The following RBPMS variants were observed in gnomAD, a reference collection of about 807,000 sequenced individuals.
RBPMS encodes RNA binding protein, mRNA processing factor.
A neutral mutation model predicts 26.8 loss-of-function variants in RBPMS; 7 were observed. That is an observed-to-expected ratio of 0.26 (90% CI 0.15 to 0.49). RBPMS has a LOEUF of 0.49. Among genes scored for constraint, RBPMS ranks in the 20% least tolerant of loss-of-function variants. RBPMS has a pLI of 0.98. For synonymous variants in RBPMS, 96 were observed against 93.3 expected (o/e 1.03, Z -0.17); for missense variants, 186 against 250.0 (o/e 0.74, Z 1.73).
intron 1 of RBPMS, among the ~76,000 whole-genome samples, chr8:30,468,913 A>G (rs1348427181): frequency 5.8e-5 from 1 of 17,112 alleles, no homozygotes; most frequent in African/African-American, 6.5e-5. Flanking sequence ...TCAAATAAGT[A>G]ACTATACAGT....
chr8:30,448,474 C>G (rs1814139837), intron 1 of RBPMS, among the ~76,000 whole-genome samples: 2 of 152,228 alleles, frequency 1.3e-5, no homozygotes, highest in Non-Finnish European at 2.9e-5. Context: ...TCCATTCCCT[C>G]CCATCTTGAC....
At chr8:30,475,688 A>G (rs189442699) in intron 2 of RBPMS, among the ~76,000 whole-genome samples, 3 of 152,348 alleles carry the variant, frequency 2.0e-5, no homozygotes, top group East Asian at 3.9e-4. Context: ...TCAGCTTCTT[A>G]GGAAGACGGA....
At chr8:30,498,802 A>AGC (rs1376831848) in intron 4 of RBPMS, among the ~76,000 whole-genome samples, 2 of 152,180 alleles carry the variant, frequency 1.3e-5, no homozygotes, top group African/African-American at 4.8e-5. Context: ...GGATAGAATT[A>AGC]ACCAAATGGT....
intron 1 of RBPMS, among the ~76,000 whole-genome samples, chr8:30,467,569 AT>A (rs1264881981): frequency 6.6e-6 from 1 of 152,002 alleles, no homozygotes; most frequent in African/African-American, 2.4e-5. Context: ...CAAAGCAAGA[AT>A]ACCCCTTTGA....
At chr8:30,456,207 A>G (rs865897712) in intron 1 of RBPMS, among the ~76,000 whole-genome samples, 54 of 152,276 alleles carry the variant, frequency 3.5e-4, no homozygotes, top group Middle Eastern at 3.4e-3. Context: ...AGTTTTTGTC[A>G]TCTAAGATGA....
intron 1 of RBPMS, among the ~76,000 whole-genome samples, chr8:30,469,445 A>G (rs1816852268): frequency 6.6e-6 from 1 of 152,268 alleles, no homozygotes; most frequent in Admixed American, 6.5e-5. Context: ...CTAAGCCAAG[A>G]ACACTCTTGC....
At position 30,566,307 on chromosome 8, in the gene RBPMS, A is replaced by G. The variant is rs1419047160; in HGVS notation, c.*58A>G. The G allele has an allele frequency of 2.0e-6, 2 of 985,604 alleles. No individual in the cohort carries two copies. The highest frequency in any genetic ancestry group is 1.7e-5 in the African/African-American group (1 of 57,210). The allele number at this position is 985,604 out of a possible 1,614,324, so 61.1% of individuals were successfully genotyped here. A position where few individuals can be genotyped will look rare whatever the true frequency, so the allele number is the denominator to read the frequency against. On this transcript the variant is annotated 3_prime_UTR_variant, in exon 8 of 9. Coordinates refer to ENST00000397323, the MANE Select transcript of RBPMS (RefSeq NM_001008710.3). ...AATCTGTCTTGTGGGTATTAATGCA[A>G]TCTTCAGTGGTGGCTACTGTTCTCT...
At chr8:30,435,726 ACT>A (rs1812381048) in intron 1 of RBPMS, among the ~76,000 whole-genome samples, 1 of 152,148 alleles carries the variant, frequency 6.6e-6, no homozygotes, top group African/African-American at 2.4e-5. Flanking sequence ...GTTAGGGAAG[ACT>A]CTACATCAAG....
chr8:30,449,106 T>C (rs1585502718), intron 1 of RBPMS, among the ~76,000 whole-genome samples: 3 of 152,336 alleles, frequency 2.0e-5, no homozygotes, highest in East Asian at 3.9e-4. Context: ...AATTGCACAT[T>C]GTCAGGCTTT....
intron 1 of RBPMS, among the ~76,000 whole-genome samples, chr8:30,447,335 T>C (rs1222863408): frequency 5.3e-5 from 8 of 152,212 alleles, no homozygotes; most frequent in Admixed American, 2.0e-4. Context: ...GCAAGGGAAT[T>C]TAGGAAATCA....
At chr8:30,428,280 C>T (rs1811577929) in intron 1 of RBPMS, among the ~76,000 whole-genome samples, 1 of 151,858 alleles carries the variant, frequency 6.6e-6, no homozygotes, top group Admixed American at 6.6e-5. Context: ...CTCGTCCTCC[C>T]AAAGTGCTGG....
At chr8:30,548,778 C>A (rs935071296) in intron 6 of RBPMS, among the ~76,000 whole-genome samples, 2 of 152,204 alleles carry the variant, frequency 1.3e-5, no homozygotes, top group African/African-American at 4.8e-5. Flanking sequence ...CCCACCTCCC[C>A]TGTATCTGAG....
intron 4 of RBPMS, among the ~76,000 whole-genome samples, chr8:30,482,937 G>A (rs533021316): frequency 6.6e-6 from 1 of 152,166 alleles, no homozygotes; most frequent in Non-Finnish European, 1.5e-5. Flanking sequence ...TAGGCAGTTA[G>A]CTAGATTTAG....
rs181529052 is a variant in RBPMS, at chr8:30,485,334, T to C, written c.246+5957T>C. Among the ~76,000 whole-genome samples, 5 of 152,314 alleles carry C rather than the reference T, an allele frequency of 3.3e-5. No homozygotes were observed. The East Asian group carries it at 9.6e-4, about 29-fold the overall frequency. The stretch of plus-strand genomic sequence containing the variant: ...AACTCCCATGGCCCCCACCAGACAC[T>C]ATATCAATATGTTTCTTATCAGTTT... On this transcript the variant is annotated intron_variant, in intron 4 of 8. Transcript: ENST00000397323.
At chr8:30,454,748 G>C (rs1563334331) in intron 1 of RBPMS, among the ~76,000 whole-genome samples, 1 of 152,126 alleles carries the variant, frequency 6.6e-6, no homozygotes, top group Non-Finnish European at 1.5e-5. Context: ...TCTATTATTT[G>C]TGTGTATAAA....
At chr8:30,547,778 C>T (rs1298569704) in intron 6 of RBPMS, among the ~76,000 whole-genome samples, 2 of 152,236 alleles carry the variant, frequency 1.3e-5, no homozygotes, top group Non-Finnish European at 2.9e-5. Flanking sequence ...GACCTCACTT[C>T]AGCAGGGATG....
chr8:30,424,748 T>C (rs1021596893), intron 1 of RBPMS, among the ~76,000 whole-genome samples: 1 of 152,176 alleles, frequency 6.6e-6, no homozygotes, highest in Non-Finnish European at 1.5e-5. Context: ...CCCTTATTAT[T>C]AGACATAGTA....
rs1181705539 is a variant in RBPMS, at chr8:30,549,772, T to TTC, written c.528+5171_528+5172dup. Among the ~76,000 whole-genome samples, 445 of 71,210 alleles carry TTC rather than the reference T, an allele frequency of 6.2e-3. 6 individuals carry two copies. Among genetic ancestry groups the TTC allele is most frequent in the East Asian group, 0.012 (25 of 2,038 alleles). The allele number at this position is 71,210 out of a possible 152,430, so 46.7% of individuals were successfully genotyped here. A position where few individuals can be genotyped will look rare whatever the true frequency, so the allele number is the denominator to read the frequency against. On this transcript the variant is annotated intron_variant, in intron 6 of 8. Transcript: ENST00000397323. The stretch of plus-strand genomic sequence containing the variant: ...TTTCCTTTTCTTTTCTTTTCTTTTC[T>TTC]TCTCTCTCTCTCTCTCTCTCTCTCC...
At chr8:30,559,019 G>A (rs896678650) in intron 7 of RBPMS, 63 bp downstream of exon 7, 2 of 1,372,036 alleles carry the variant, frequency 1.5e-6, no homozygotes, top group Non-Finnish European at 1.0e-6. Flanking sequence ...CATGGTGGGT[G>A]CGCCATGAAC....
Sources: gnomAD v4.1 joint callset for allele counts (sites outside exome capture counted in the v4.1 genomes callset) on GRCh38, gnomAD v4.1.1 for gene constraint, MANE v1.5 for transcripts, NCBI Gene and HGNC (gene_info 2026-07-23, HGNC 2026-07-21) for gene names.